The following CDH18 variants were observed in gnomAD, a reference collection of about 807,000 sequenced individuals.
CDH18 encodes cadherin 18, also known as cadherin-18.
A neutral mutation model predicts 67.9 loss-of-function variants in CDH18; 31 were observed. That is an observed-to-expected ratio of 0.46 (90% CI 0.34 to 0.62). The LOEUF is 0.62. Among genes scored for constraint, CDH18 ranks in the 20% least tolerant of loss-of-function variants. The probability of loss-of-function intolerance (pLI) is 0.01; values close to 1 mark genes in which losing one functional copy is unlikely to be tolerated. For missense variants in CDH18, 890 were observed against 975.5 expected, an observed-to-expected ratio of 0.91 and a Z score of 1.17; for synonymous variants, 362 against 347.2, an observed-to-expected ratio of 1.04 and a Z score of -0.48.
chr5:20,355,520 A>G (rs1741540377), intron 1 of CDH18, among the ~76,000 whole-genome samples: 1 of 152,192 alleles, frequency 6.6e-6, no homozygotes, highest in Admixed American at 6.5e-5. Flanking sequence ...CTTAACATTT[A>G]ATTATTTTGG....
chr5:20,559,691 T>C (rs767672306), intron 1 of CDH18, among the ~76,000 whole-genome samples: 69 of 152,200 alleles, frequency 4.5e-4, no homozygotes, highest in Non-Finnish European at 9.4e-4. Flanking sequence ...ATGTGAAGAA[T>C]ATTGAAGCTA....
intron 4 of CDH18, among the ~76,000 whole-genome samples, chr5:19,745,040 CAT>C (rs1240100614): frequency 1.3e-5 from 2 of 152,116 alleles, no homozygotes; most frequent in Non-Finnish European, 1.5e-5. Context: ...TCTAAGGACA[CAT>C]GTTATTCACA....
intron 4 of CDH18, among the ~76,000 whole-genome samples, chr5:19,732,814 A>G (rs1308867943): frequency 6.6e-6 from 1 of 151,976 alleles, no homozygotes; most frequent in East Asian, 1.9e-4. Flanking sequence ...TTTCCTTTTA[A>G]CTGTTTTTTG....
Position 20,137,771 on chromosome 5 carries a change from G to C in CDH18, c.-518+117673C>G, listed in dbSNP as rs565684395. Among the ~76,000 whole-genome samples the C allele has an allele frequency of 5.9e-5, 9 of 152,076 alleles. No homozygotes were observed. The South Asian group carries it at 1.9e-3, about 32-fold the overall frequency. ...ATAGTGACCTACAGATGGGGTTTTG[G>C]TGTGGATGTCCTTTATATTTGTTAG... On this transcript the variant is annotated intron_variant, in intron 2 of 14. Transcript: ENST00000507958.
intron 2 of CDH18, among the ~76,000 whole-genome samples, chr5:20,164,297 A>T (rs1736120638): frequency 6.6e-6 from 1 of 151,784 alleles, no homozygotes; most frequent in African/African-American, 2.4e-5. Flanking sequence ...TGTTTTTTGT[A>T]TTTTTTCAGA....
At chr5:19,673,286 T>C (rs1759002040) in intron 5 of CDH18, among the ~76,000 whole-genome samples, 1 of 152,062 alleles carries the variant, frequency 6.6e-6, no homozygotes, top group African/African-American at 2.4e-5. Flanking sequence ...TTAGAAAATA[T>C]TTAAAAATCA....
intron 2 of CDH18, among the ~76,000 whole-genome samples, chr5:20,017,812 C>T (rs1228512694): frequency 6.6e-6 from 1 of 152,128 alleles, no homozygotes. Flanking sequence ...TTCTCTTAGT[C>T]ACGCTGTTAA....
At chr5:20,561,462 C>A (rs921516961) in intron 1 of CDH18, among the ~76,000 whole-genome samples, 1 of 152,014 alleles carries the variant, frequency 6.6e-6, no homozygotes, top group East Asian at 1.9e-4. Flanking sequence ...AGACATGGAG[C>A]AACCTTAAAT....
intron 10 of CDH18, among the ~76,000 whole-genome samples, chr5:19,509,935 T>C (rs547513306): frequency 3.3e-5 from 5 of 152,148 alleles, no homozygotes; most frequent in Non-Finnish European, 5.9e-5. Context: ...TAGAGAACTA[T>C]ATTGTTGCAG....
chr5:19,809,922 G>A (rs1420362007), intron 3 of CDH18, among the ~76,000 whole-genome samples: 1 of 152,078 alleles, frequency 6.6e-6, no homozygotes, highest in Non-Finnish European at 1.5e-5. Context: ...TTCCAATAGT[G>A]AATAGACAAA....
intron 2 of CDH18, among the ~76,000 whole-genome samples, chr5:20,070,996 C>T (rs1381615543): frequency 3.3e-5 from 5 of 152,048 alleles, no homozygotes; most frequent in African/African-American, 7.2e-5. Context: ...ATTTAATGAA[C>T]GTATTTAGCC....
rs907160930 is a variant in CDH18 at position 19,483,464 on chromosome 5, A to T, written c.1719T>A (p.Gly573=). The change falls in exon 12 of 13, where the codon GGT becomes GGA. Residue 573 remains glycine, a synonymous_variant. Coordinates refer to ENST00000382275, the MANE Select transcript of CDH18 (RefSeq NM_004934.5). The part of the protein sequence containing the change: ...VYYLPIMISD[G]GIPSLSSSST... Reference sequence around the variant, plus strand: ...TGCTGCTGCTGAGAGAGGGGATTCCACCATCAGAGATCATAATGGGCAGAT... The same window carrying T: ...TGCTGCTGCTGAGAGAGGGGATTCCTCCATCAGAGATCATAATGGGCAGAT... 2.0e-5 allele frequency: 33 copies of T among 1,613,990 alleles called. No homozygotes were observed. In the East Asian group the frequency reaches 7.1e-4, roughly 35 times the overall value.
intron 9 of CDH18, among the ~76,000 whole-genome samples, chr5:19,522,480 T>C (rs1233142663): frequency 6.6e-6 from 1 of 152,146 alleles, no homozygotes; most frequent in Admixed American, 6.5e-5. Flanking sequence ...CCATCCAGAT[T>C]GATGGTATTT....
At chr5:20,129,715 G>T (rs1176708244) in intron 2 of CDH18, among the ~76,000 whole-genome samples, 1 of 151,974 alleles carries the variant, frequency 6.6e-6, no homozygotes, top group Non-Finnish European at 1.5e-5. Flanking sequence ...TACTCATGAA[G>T]AACATAAAAT....
intron 1 of CDH18, among the ~76,000 whole-genome samples, chr5:20,345,194 C>T (rs1740602161): frequency 6.6e-6 from 1 of 152,078 alleles, no homozygotes; most frequent in South Asian, 2.1e-4. Flanking sequence ...TGGGAGAGGT[C>T]AAATATTATT....
At chr5:20,424,695 A>G (rs780689148) in intron 1 of CDH18, among the ~76,000 whole-genome samples, 2 of 140,524 alleles carry the variant, frequency 1.4e-5, no homozygotes, top group Non-Finnish European at 3.1e-5. Context: ...TGCAGTGAGC[A>G]GAGATACCAC....
At chr5:20,122,240 T>C (rs1001385381) in intron 2 of CDH18, among the ~76,000 whole-genome samples, 1 of 152,234 alleles carries the variant, frequency 6.6e-6, no homozygotes, top group African/African-American at 2.4e-5. Context: ...ACCTACACTC[T>C]GCTGGTTTAA....
At chr5:20,060,994 C>T (rs1038573563) in intron 2 of CDH18, among the ~76,000 whole-genome samples, 1 of 151,144 alleles carries the variant, frequency 6.6e-6, no homozygotes, top group African/African-American at 2.4e-5. Flanking sequence ...TTCTATTTGT[C>T]AGAGATTCAA....
At chr5:19,712,937 A>C (rs935485132) in intron 5 of CDH18, among the ~76,000 whole-genome samples, 40 of 151,898 alleles carry the variant, frequency 2.6e-4, no homozygotes, top group African/African-American at 9.6e-4. Context: ...AGAAAAATCA[A>C]ATTGCTTGGT....
Sources: gnomAD v4.1 joint callset for allele counts (sites outside exome capture counted in the v4.1 genomes callset) on GRCh38, gnomAD v4.1.1 for gene constraint, MANE v1.5 for transcripts, NCBI Gene and HGNC (gene_info 2026-07-23, HGNC 2026-07-21) for gene names.